GOLGA4: variants seen among roughly 807,000 people sequenced by gnomAD.
GOLGA4 encodes the protein golgin subfamily A member 4.
A neutral mutation model predicts 265.9 loss-of-function variants in GOLGA4; 169 were observed. The observed-to-expected ratio is 0.64, with a 90% CI of 0.56 to 0.72. The LOEUF is 0.72. Among genes scored for constraint, GOLGA4 ranks in the 30% least tolerant of loss-of-function variants. The pLI, the probability that GOLGA4 is intolerant of heterozygous loss-of-function variation, is 0.00. For synonymous variants in GOLGA4, 923 were observed against 855.8 expected (o/e 1.08, Z -1.37); for missense variants, 2,482 against 2,483.4 (o/e 1.00, Z 0.01).
chr3:37,323,629 A>G lies in GOLGA4; in HGVS notation c.1743A>G (p.Gln581=). ...ELESSLEKSL[Q]ENKNQSKDLA... The stretch of plus-strand genomic sequence containing the variant: ...AAAGTTCTTTGGAAAAAAGCTTACA[A>G]GAAAACAAAAATCAGTCAAAAGATT... The change falls in exon 14 of 24, where the codon CAA becomes CAG. Residue 581 remains glutamine (Q), a synonymous_variant. Transcript: ENST00000361924. 13 of 1,579,268 alleles carry G rather than the reference A, an allele frequency of 8.2e-6. No homozygotes were observed. Among genetic ancestry groups the G allele is most frequent in the Non-Finnish European group, 1.1e-5 (13 of 1,168,816 alleles).
In GOLGA4 at chr3:37,327,021, CA is replaced by C. The variant is rs1454176336; in HGVS notation, c.5141del (p.Asn1714MetfsTer32). 1 of 1,613,612 alleles carries C rather than the reference CA, an allele frequency of 6.2e-7. No individual in the cohort carries two copies. The highest frequency in any genetic ancestry group is 8.5e-7 in the Non-Finnish European group (1 of 1,179,790). ...GAAACATTAATTGTACCCAGATCAG[CA>C]AAAAATGTGGCAGCATATACTGAAC... ...QSETLIVPRS[A>X]KNVAAYTEQE... is the part of the protein sequence containing the mutation. On this transcript the variant is annotated frameshift_variant, in exon 14 of 24. Coordinates refer to ENST00000361924, the MANE Select transcript of GOLGA4 (RefSeq NM_002078.5). LOFTEE classifies it high-confidence loss of function.
chr3:37,293,205 A>T lies in GOLGA4; in HGVS notation c.583-1774A>T, dbSNP rs1369381247. Among the ~76,000 whole-genome samples, 3 of 152,352 alleles carry T rather than the reference A, an allele frequency of 2.0e-5. No homozygotes were observed. The East Asian group carries it at 5.8e-4, about 29-fold the overall frequency. On this transcript the variant is annotated intron_variant, in intron 5 of 23. Transcript: ENST00000361924. ...GAAATTAACTGTCACAAGCTTGTCT[A>T]ACCTGCAGCCCGTGGCCTGCATGCA...
chr3:37,275,835 T>C, intron 2 of GOLGA4: 3 of 1,613,796 alleles, frequency 1.9e-6, no homozygotes, highest in African/African-American at 1.3e-5. Flanking sequence ...AGAATCGGAA[T>C]GTCAGTTAAT....
At chr3:37,253,253 A>C (rs1464398863) in intron 2 of GOLGA4, among the ~76,000 whole-genome samples, 1 of 151,914 alleles carries the variant, frequency 6.6e-6, no homozygotes, top group African/African-American at 2.4e-5. Flanking sequence ...TCTTTCAAAA[A>C]AAAAAAAAAG....
At chr3:37,260,187 CAT>C (rs1219869975) in intron 2 of GOLGA4, among the ~76,000 whole-genome samples, 1 of 149,630 alleles carries the variant, frequency 6.7e-6, no homozygotes, top group African/African-American at 2.5e-5. Context: ...AAAAAAGTCT[CAT>C]AATGTTTTAA....
In GOLGA4 at chr3:37,281,993, G is replaced by T; in HGVS notation, c.198G>T (p.Gln66His). Reference sequence around the variant, plus strand: ...CACAGTCTTTTGCACAGAAGCTCCAGCTCCGGGTGCCCTCCGTGGAGTCTT... The same window carrying T: ...CACAGTCTTTTGCACAGAAGCTCCATCTCCGGGTGCCCTCCGTGGAGTCTT... ...GDTQSFAQKLQLRVPSVESLF... is the reference protein window; with the variant it reads ...GDTQSFAQKLHLRVPSVESLF... The change falls in exon 3 of 24, where the codon CAG becomes CAT. Residue 66 changes from glutamine (Q) to histidine (H), a missense_variant. Physicochemically the swap from Gln to His is conservative, Grantham distance 24. Around this residue, in one of 3 missense-constraint regions of GOLGA4, gnomAD observed 1,536 missense variants for 1,483.7 expected, o/e 1.04. Coordinates refer to ENST00000361924, the MANE Select transcript of GOLGA4 (RefSeq NM_002078.5). 6.2e-7 allele frequency: 1 copy of T among 1,614,034 alleles called. No individual in the cohort carries two copies. The highest frequency in any genetic ancestry group is 8.5e-7 in the Non-Finnish European group (1 of 1,179,928).
intron 2 of GOLGA4, among the ~76,000 whole-genome samples, chr3:37,255,223 C>T (rs1407122691): frequency 1.3e-5 from 2 of 151,944 alleles, no homozygotes; most frequent in Non-Finnish European, 2.9e-5. Flanking sequence ...TGCAGTGGTG[C>T]GATCTCAGCT....
intron 9 of GOLGA4, among the ~76,000 whole-genome samples, chr3:37,300,230 A>G (rs1231997055): frequency 6.6e-6 from 1 of 152,134 alleles, no homozygotes; most frequent in African/African-American, 2.4e-5. Context: ...CAACCAGAAA[A>G]TTCATGGGTA....
rs369452778 is a variant in GOLGA4, at chr3:37,325,440, T to G, written c.3554T>G (p.Phe1185Cys). Reference sequence around the variant, plus strand: ...AAGTTGAAAACCACAGATGAAGAATTCCAGAGTTTGAAATCTTCACATGAA... The same window carrying G: ...AAGTTGAAAACCACAGATGAAGAATGCCAGAGTTTGAAATCTTCACATGAA... ...TSKLKTTDEE[F>C]QSLKSSHEKS... is the part of the protein sequence containing the mutation. The change falls in exon 14 of 24, where the codon TTC becomes TGC. Residue 1185 changes from phenylalanine (F) to cysteine (C), a missense_variant. Physicochemically the swap from Phe to Cys is radical, Grantham distance 205. Transcript: ENST00000361924. 1.9e-6 allele frequency: 3 copies of G among 1,611,052 alleles called. No homozygotes were observed. The highest frequency in any genetic ancestry group is 2.5e-6 in the Non-Finnish European group (3 of 1,179,154).
chr3:37,247,211 G>A (rs2096722034), intron 1 of GOLGA4, among the ~76,000 whole-genome samples: 1 of 152,240 alleles, frequency 6.6e-6, no homozygotes, highest in South Asian at 2.1e-4. Context: ...TGATTTGGCA[G>A]TGACTTACAA....
In GOLGA4 at chr3:37,324,257, G is replaced by C; in HGVS notation, c.2371G>C (p.Gly791Arg). 6.2e-7 allele frequency: 1 copy of C among 1,614,162 alleles called. No homozygotes were observed. Among genetic ancestry groups the C allele is most frequent in the East Asian group, 2.2e-5 (1 of 44,886 alleles). Residue 791 changes from glycine (G) to arginine (R), a missense_variant, in exon 14 of 24, where the codon GGG becomes CGG. Gly to Arg is a moderately radical substitution (Grantham distance 125). Around this residue, in one of 3 missense-constraint regions of GOLGA4, gnomAD observed 1,536 missense variants for 1,483.7 expected, o/e 1.04. Transcript: ENST00000361924. ...NLEADIKRSEGELQQASAKLD... is the reference protein window; with the variant it reads ...NLEADIKRSERELQQASAKLD... ...AGAGGCAGATATTAAAAGGTCTGAA[G>C]GGGAACTCCAGCAGGCATCTGCTAA...
At chr3:37,296,360 A>G (rs2096878344) in intron 7 of GOLGA4, 141 bp downstream of exon 7, 4 of 720,872 alleles carry the variant, frequency 5.5e-6, no homozygotes, top group Non-Finnish European at 9.1e-6. Flanking sequence ...AGCCTGGGCA[A>G]CATAGAGAAA....
At chr3:37,276,342 C>T in intron 2 of GOLGA4, 2 of 1,606,862 alleles carry the variant, frequency 1.2e-6, no homozygotes, top group East Asian at 2.2e-5. Flanking sequence ...AATATTCCTC[C>T]TGACTTATTT....
At chr3:37,312,594 C>T (rs1421177371) in intron 10 of GOLGA4, among the ~76,000 whole-genome samples, 1 of 150,786 alleles carries the variant, frequency 6.6e-6, no homozygotes, top group Non-Finnish European at 1.5e-5. Flanking sequence ...ACAATCACTG[C>T]TCACTGAAGC....
In GOLGA4 at chr3:37,340,108, T is replaced by G. The variant is rs1174188147; in HGVS notation, c.6397-16T>G. 1.0e-6 allele frequency: 1 copy of G among 1,003,710 alleles called. No individual in the cohort carries two copies. The highest frequency in any genetic ancestry group is 2.0e-5 in the Admixed American group (1 of 50,652). The allele number at this position is 1,003,710 out of a possible 1,614,324, so 62.2% of individuals were successfully genotyped here. On this transcript the variant is annotated splice_polypyrimidine_tract_variant and intron_variant, in intron 19 of 23. Coordinates refer to ENST00000361924, the MANE Select transcript of GOLGA4 (RefSeq NM_002078.5). ...CCCTGTGAATCTTATATGGTCTGAT[T>G]ATTTGTTATTTTTAGATTCACAATT...
chr3:37,289,654 G>A (rs1178151468), intron 5 of GOLGA4, among the ~76,000 whole-genome samples: 2 of 152,050 alleles, frequency 1.3e-5, no homozygotes, highest in Admixed American at 6.6e-5. Context: ...TTTTGAGGGG[G>A]GTGGGTAATT....
At chr3:37,336,652 T>G (rs1189930090) in intron 17 of GOLGA4, among the ~76,000 whole-genome samples, 1 of 150,382 alleles carries the variant, frequency 6.6e-6, no homozygotes, top group South Asian at 2.1e-4. Context: ...ATGCCTGTGG[T>G]CCCAGCTACT....
Position 37,298,985 on chromosome 3 carries a change from C to T in GOLGA4, c.967C>T (p.Leu323=), listed in dbSNP as rs1467419248. ...TSEKEALQEQ[L]DERLQELEKI... ...TGAAAAAGAAGCTCTGCAAGAACAA[C>T]TGGATGAAAGACTTCAAGAACTAGA... is the stretch of plus-strand genomic sequence containing the variant. Residue 323 remains leucine, a synonymous_variant, in exon 8 of 24, where the codon CTG becomes TTG. Transcript: ENST00000361924. 2 of 1,599,548 alleles carry T rather than the reference C, an allele frequency of 1.3e-6. No homozygotes were observed. Among genetic ancestry groups the T allele is most frequent in the Non-Finnish European group, 8.5e-7 (1 of 1,176,284 alleles).
chr3:37,331,938 A>G lies in GOLGA4; in HGVS notation c.6192+2845A>G, dbSNP rs566623675. Among the ~76,000 whole-genome samples the G allele has an allele frequency of 2.3e-3, 357 of 152,274 alleles. 4 individuals are homozygous for G. The highest frequency in any genetic ancestry group is 5.8e-3 in the South Asian group (28 of 4,818). Reference sequence around the variant, plus strand: ...GGATATGGTTTGAAACATCCTGAGAATCATGTTGCTTGTTCCTCTCCTCTG... The same window carrying G: ...GGATATGGTTTGAAACATCCTGAGAGTCATGTTGCTTGTTCCTCTCCTCTG... On this transcript the variant is annotated intron_variant, in intron 16 of 23. Transcript: ENST00000361924.
Sources: allele counts gnomAD v4.1 joint callset (sites outside exome capture counted in the v4.1 genomes callset), GRCh38; gene constraint gnomAD v4.1.1; regional missense constraint gnomAD v4.1.1; transcripts MANE v1.5; gene names NCBI Gene and HGNC (gene_info 2026-07-23, HGNC 2026-07-21).